Variants in RNF157 observed in about 807,000 individuals in gnomAD.
RNF157 encodes the protein E3 ubiquitin ligase RNF157.
RNF157 carries 55 observed loss-of-function variants against 88.3 expected under a neutral mutation model. The observed-to-expected ratio is 0.62, with a 90% CI of 0.50 to 0.78. The LOEUF is 0.78. Among genes scored for constraint, RNF157 ranks in the 30% least tolerant of loss-of-function variants. The probability of loss-of-function intolerance (pLI) is 0.00; values close to 1 mark genes in which losing one functional copy is unlikely to be tolerated. For synonymous variants in RNF157, 334 were observed against 341.2 expected, an observed-to-expected ratio of 0.98 and a Z score of 0.23; for missense variants, 788 against 860.8, an observed-to-expected ratio of 0.92 and a Z score of 1.06.
At chr17:76,189,965 C>T (rs1205128014) in intron 2 of RNF157, among the ~76,000 whole-genome samples, 1 of 152,184 alleles carries the variant, frequency 6.6e-6, no homozygotes, top group Non-Finnish European at 1.5e-5. Flanking sequence ...GACCTTCCAG[C>T]ACCTCCCACT....
At chr17:76,185,513 A>ATTTTTTT (rs1568047389) in intron 2 of RNF157, among the ~76,000 whole-genome samples, 2 of 143,764 alleles carry the variant, frequency 1.4e-5, no homozygotes, top group African/African-American at 5.5e-5. Context: ...TCTGTCGCCC[A>ATTTTTTT]GGCTGGAGTG....
intron 1 of RNF157, among the ~76,000 whole-genome samples, chr17:76,213,569 CA>C (rs532739758): frequency 0.012 from 886 of 76,048 alleles, 4 homozygotes; most frequent in East Asian, 0.037. Context: ...AACTCCATCT[CA>C]AAAAAAAAAA....
intron 1 of RNF157, among the ~76,000 whole-genome samples, chr17:76,237,941 G>A (rs1182798476): frequency 6.6e-6 from 1 of 152,044 alleles, no homozygotes; most frequent in Non-Finnish European, 1.5e-5. Context: ...ACAATTAGCC[G>A]GGTGTGGTGG....
rs1207983878 is a variant in RNF157 at position 76,146,887 on chromosome 17, G to C, written c.1922-1534C>G. The C allele has an allele frequency of 4.1e-6, 4 of 985,330 alleles. No homozygotes were observed. Among genetic ancestry groups the C allele is most frequent in the African/African-American group, 1.7e-5 (1 of 57,246 alleles). The allele number at this position is 985,330 out of a possible 1,614,324, so 61.0% of individuals were successfully genotyped here. ...TCACAAGTGTCCAGGGTCAGCCTCAGGCCAGCCCAGGACATGAAACCCTTT... is the reference window on the plus strand; with the variant it reads ...TCACAAGTGTCCAGGGTCAGCCTCACGCCAGCCCAGGACATGAAACCCTTT... On this transcript the variant is annotated intron_variant, in intron 18 of 18. Coordinates refer to ENST00000269391, the MANE Select transcript of RNF157 (RefSeq NM_052916.3). This position sits in a 1 kb window ranked among gnomAD's most constrained non-coding sequence, Gnocchi z 4.2.
intron 8 of RNF157, 48 bp downstream of exon 8, chr17:76,164,700 G>A: frequency 8.7e-7 from 1 of 1,154,246 alleles, no homozygotes; most frequent in Non-Finnish European, 1.3e-6. Flanking sequence ...AAGAATAAAA[G>A]GAAGGAAGGA....
chr17:76,177,429 C>T (rs2069122320), intron 2 of RNF157, among the ~76,000 whole-genome samples: 1 of 151,720 alleles, frequency 6.6e-6, no homozygotes, highest in African/African-American at 2.4e-5. Flanking sequence ...TGCAGCCAGG[C>T]TAGGAGTGCA....
At chr17:76,172,451 C>T (rs1302702859) in intron 3 of RNF157, among the ~76,000 whole-genome samples, 3 of 151,538 alleles carry the variant, frequency 2.0e-5, no homozygotes, top group Admixed American at 6.6e-5. Flanking sequence ...ATTAACCGGG[C>T]GTGGTGATGC....
rs1470773301 is a variant in RNF157, at chr17:76,176,044, A to C, written c.208-2254T>G. ...AACAACGGCAAATCTGTTCAGGAGA[A>C]GCTTGTTCGTGGGCTGCTACCCACC... On this transcript the variant is annotated intron_variant, in intron 2 of 18. Transcript: ENST00000269391. This position sits in a 1 kb window ranked among gnomAD's most constrained non-coding sequence, Gnocchi z 4.2. Among the ~76,000 whole-genome samples, 1 of 152,210 alleles carries C rather than the reference A, an allele frequency of 6.6e-6. No homozygotes were observed. Among genetic ancestry groups the C allele is most frequent in the African/African-American group, 2.4e-5 (1 of 41,446 alleles).
chr17:76,211,862 A>G (rs56257305), intron 2 of RNF157: 20,603 of 152,510 alleles, frequency 0.14, 2,031 homozygotes, highest in African/African-American at 0.26. Flanking sequence ...ATCAACTCAT[A>G]TATCAAGAGA....
chr17:76,233,826 C>A (rs1255825042), intron 1 of RNF157, among the ~76,000 whole-genome samples: 2 of 152,222 alleles, frequency 1.3e-5, no homozygotes, highest in East Asian at 1.9e-4. Context: ...AGTCACCATA[C>A]CCAGCCCCAT....
chr17:76,194,993 T>G (rs548933731), intron 2 of RNF157, among the ~76,000 whole-genome samples: 42 of 152,064 alleles, frequency 2.8e-4, no homozygotes, highest in Non-Finnish European at 4.7e-4. Flanking sequence ...CCAGCCTGGG[T>G]GACAGAGCGA....
chr17:76,210,548 C>T (rs1444250505), intron 2 of RNF157, among the ~76,000 whole-genome samples: 1 of 127,810 alleles, frequency 7.8e-6, no homozygotes, highest in Admixed American at 8.8e-5. Flanking sequence ...CAAGATCGTG[C>T]CACTGTACTC....
intron 2 of RNF157, among the ~76,000 whole-genome samples, chr17:76,200,330 G>A (rs1380664593): frequency 1.3e-5 from 2 of 152,152 alleles, no homozygotes; most frequent in African/African-American, 4.8e-5. Flanking sequence ...CAACCCAAGT[G>A]TCTGTCTATT....
At chr17:76,182,546 C>T (rs73360605) in intron 2 of RNF157, among the ~76,000 whole-genome samples, 2,435 of 149,830 alleles carry the variant, frequency 0.016, 74 homozygotes, top group African/African-American at 0.057. Context: ...ACTACTCCTA[C>T]GGTTGTACTA....
At chr17:76,213,377 C>T (rs1220618064) in intron 1 of RNF157, among the ~76,000 whole-genome samples, 2 of 151,980 alleles carry the variant, frequency 1.3e-5, no homozygotes, top group African/African-American at 4.8e-5. Flanking sequence ...AGAGACCAGC[C>T]TGGCCAACAC....
Position 76,146,050 on chromosome 17 carries a change from G to A in RNF157, c.1922-697C>T, listed in dbSNP as rs1301528737. Among the ~76,000 whole-genome samples the A allele has an allele frequency of 6.6e-6, 1 of 152,170 alleles. No homozygotes were observed. Among genetic ancestry groups the A allele is most frequent in the East Asian group, 1.9e-4 (1 of 5,202 alleles). On this transcript the variant is annotated intron_variant, in intron 18 of 18. Coordinates refer to ENST00000269391, the MANE Select transcript of RNF157 (RefSeq NM_052916.3). This position sits in a 1 kb window ranked among gnomAD's most constrained non-coding sequence, Gnocchi z 4.2. ...GCATCCGCTCCCCAAATCTGCTGCT[G>A]CCCCCACATGAGGAGTGCCAGCGCC...
intron 2 of RNF157, among the ~76,000 whole-genome samples, chr17:76,210,153 A>C (rs1440844156): frequency 6.6e-6 from 1 of 152,194 alleles, no homozygotes; most frequent in African/African-American, 2.4e-5. Flanking sequence ...TGTCTACTCT[A>C]ATTACCAAGG....
chr17:76,151,661 A>C (rs182378729), intron 18 of RNF157, among the ~76,000 whole-genome samples: 6 of 152,336 alleles, frequency 3.9e-5, no homozygotes, highest in Non-Finnish European at 8.8e-5. Flanking sequence ...CTCGGTGCTT[A>C]AAGTGTGATT....
At chr17:76,228,906 A>G (rs1555664067) in intron 1 of RNF157, among the ~76,000 whole-genome samples, 1 of 152,082 alleles carries the variant, frequency 6.6e-6, no homozygotes, top group Non-Finnish European at 1.5e-5. Flanking sequence ...CCTGGGCGAC[A>G]GAGTGAGACT....
Sources: allele counts gnomAD v4.1 joint callset (sites outside exome capture counted in the v4.1 genomes callset), GRCh38; gene constraint gnomAD v4.1.1; non-coding constraint Gnocchi (gnomAD v3.1); transcripts MANE v1.5; gene names NCBI Gene and HGNC (gene_info 2026-07-23, HGNC 2026-07-21).